TMPRSS3: variants seen among roughly 807,000 people sequenced by gnomAD.
TMPRSS3 encodes the protein transmembrane protease serine 3.
Under a neutral mutation model 59.6 loss-of-function variants are expected in TMPRSS3, and 55 were observed. The observed-to-expected ratio is 0.92, with a 90% confidence interval of 0.74 to 1.16. TMPRSS3 has a LOEUF of 1.16. TMPRSS3 is among the 50% of genes most tolerant of loss of function. The probability of loss-of-function intolerance (pLI) is 0.00; values close to 1 mark genes in which losing one functional copy is unlikely to be tolerated. For missense variants in TMPRSS3, 596 were observed against 579.4 expected (o/e 1.03, Z -0.29); for synonymous variants, 257 against 237.7 (o/e 1.08, Z -0.75).
At position 42,372,570 on chromosome 21, in the gene TMPRSS3, A is replaced by G; in HGVS notation, c.*192T>C. On this transcript the variant is annotated 3_prime_UTR_variant, in exon 13 of 13. Transcript: ENST00000644384. ...GCGAGACTCCATCTCAAAAAAACAA[A>G]AAACAAAAAGCAGCTTGAAGGTTGT... 1 of 747,712 alleles carries G rather than the reference A, an allele frequency of 1.3e-6. No individual in the cohort carries two copies. 46.3% of individuals were successfully genotyped at this position (747,712 alleles called of 1,614,324 possible).
rs137903612 is a variant in TMPRSS3, at chr21:42,372,709, C to T, written c.*53G>A. The T allele has an allele frequency of 4.0e-4, 642 of 1,604,060 alleles. 7 individuals are homozygous for T. In the East Asian group the frequency reaches 0.011, roughly 28 times the overall value. ...CCTACACGGGAGTCCAGGGGAGGAT[C>T]GGGCTGTCTTCATCACCTCAGGAAC... On this transcript the variant is annotated 3_prime_UTR_variant, in exon 13 of 13. Transcript: ENST00000644384.
Position 42,385,419 on chromosome 21 carries a change from C to T in TMPRSS3, c.562G>A (p.Val188Ile). The T allele has an allele frequency of 6.2e-7, 1 of 1,614,084 alleles. No individual in the cohort carries two copies. The highest frequency in any genetic ancestry group is 8.5e-7 in the Non-Finnish European group (1 of 1,179,986). ...CGCCTGACCACCTACCTCACATATA[C>T]TGAGTGGTGTAATGCAGTCACCTTG... ...DDKVTALHHS[V>I]YVREGCASGH... The change falls in exon 6 of 13, where the codon GTA (valine) becomes ATA (isoleucine). Residue 188 changes from valine to isoleucine, a missense_variant. Transcript: ENST00000644384.
At chr21:42,383,861 A>G (rs747208749) in intron 7 of TMPRSS3, 109 bp downstream of exon 7, 51 of 1,208,460 alleles carry the variant, frequency 4.2e-5, no homozygotes, top group Middle Eastern at 1.9e-4. Flanking sequence ...CCTGGCACCC[A>G]GGAGGAAGGG....
Position 42,388,372 on chromosome 21 carries a change from G to A in TMPRSS3, c.446+31C>T. 1 of 1,614,144 alleles carries A rather than the reference G, an allele frequency of 6.2e-7. No homozygotes were observed. Among genetic ancestry groups the A allele is most frequent in the Non-Finnish European group, 8.5e-7 (1 of 1,179,998 alleles). On this transcript the variant is annotated intron_variant, in intron 5 of 12. Coordinates refer to ENST00000644384, the MANE Select transcript of TMPRSS3 (RefSeq NM_001256317.3). The surrounding 1 kb of genome is among the most constrained non-coding windows in gnomAD (Gnocchi z 5.1). ...TTTATTGTTATCCTCTCTGTGTTTT[G>A]CCCATGGGTTGGAAATGCTCTTTAA...
intron 10 of TMPRSS3, among the ~76,000 whole-genome samples, chr21:42,378,294 G>A (rs1266483320): frequency 6.6e-6 from 1 of 152,228 alleles, no homozygotes; most frequent in Non-Finnish European, 1.5e-5. Context: ...CTGGGGGTGG[G>A]CTCAAGTAAT....
chr21:42,375,559 A>G (rs1220259037), intron 12 of TMPRSS3, among the ~76,000 whole-genome samples, 157 bp downstream of exon 12: 1 of 151,978 alleles, frequency 6.6e-6, no homozygotes, highest in Non-Finnish European at 1.5e-5. Context: ...TGTTTTCAGC[A>G]CAAGCGTCTG....
intron 3 of TMPRSS3, 33 bp downstream of exon 3, chr21:42,389,894 T>C: frequency 6.6e-7 from 1 of 1,519,076 alleles, no homozygotes; most frequent in Non-Finnish European, 9.1e-7. Flanking sequence ...GGCTAGGTAT[T>C]TGAGATCCTA....
intron 10 of TMPRSS3, among the ~76,000 whole-genome samples, chr21:42,376,964 G>A (rs1461660001): frequency 6.6e-6 from 1 of 152,198 alleles, no homozygotes; most frequent in Non-Finnish European, 1.5e-5. Context: ...CAAAGAGGAG[G>A]AGGAGTAGGG....
intron 2 of TMPRSS3, 111 bp downstream of exon 2, chr21:42,395,213 G>T: frequency 1.1e-6 from 1 of 886,462 alleles, no homozygotes; most frequent in South Asian, 1.4e-5. Context: ...CCAGCCTGTG[G>T]GTGTCAGAAT....
At chr21:42,382,261 G>A in intron 8 of TMPRSS3, 27 bp from the exon 9 acceptor site, 1 of 1,607,714 alleles carries the variant, frequency 6.2e-7, no homozygotes, top group Non-Finnish European at 8.5e-7. Flanking sequence ...AAGAGGTGAA[G>A]CACAGGAAAA....
chr21:42,383,834 G>A (rs766787445), intron 7 of TMPRSS3, 136 bp downstream of exon 7: 5 of 883,866 alleles, frequency 5.7e-6, no homozygotes, highest in Non-Finnish European at 7.5e-6. Context: ...AGCAGGTAGG[G>A]GTACACAGAG....
chr21:42,388,397 A>G lies in TMPRSS3; in HGVS notation c.446+6T>C, dbSNP rs772583933. On this transcript the variant is annotated splice_donor_region_variant and intron_variant, in intron 5 of 12. Coordinates refer to ENST00000644384, the MANE Select transcript of TMPRSS3 (RefSeq NM_001256317.3). The surrounding 1 kb of genome is among the most constrained non-coding windows in gnomAD (Gnocchi z 5.1). Reference sequence around the variant, plus strand: ...GCCCATGGGTTGGAAATGCTCTTTAACTTACCTTGGGAAACCCAGTTGGGC... The same window carrying G: ...GCCCATGGGTTGGAAATGCTCTTTAGCTTACCTTGGGAAACCCAGTTGGGC... 1.9e-6 allele frequency: 3 copies of G among 1,614,138 alleles called. No individual in the cohort carries two copies. Among genetic ancestry groups the G allele is most frequent in the Non-Finnish European group, 2.5e-6 (3 of 1,180,018 alleles).
rs1369685071 is a variant in TMPRSS3, at chr21:42,388,266, G to A, written c.446+137C>T. On this transcript the variant is annotated intron_variant, in intron 5 of 12. Coordinates refer to ENST00000644384, the MANE Select transcript of TMPRSS3 (RefSeq NM_001256317.3). This position sits in a 1 kb window ranked among gnomAD's most constrained non-coding sequence, Gnocchi z 5.1. ...GCCTGTGAAGTGAGGATGATATCGG[G>A]CATCCTAAGGTGGATGTGAGGATGT... is the stretch of plus-strand genomic sequence containing the variant. 6.0e-6 allele frequency: 7 copies of A among 1,168,498 alleles called. No individual in the cohort carries two copies. In the East Asian group the frequency reaches 1.7e-4, roughly 29 times the overall value. The allele number at this position is 1,168,498 out of a possible 1,614,324, so 72.4% of individuals were successfully genotyped here.
intron 10 of TMPRSS3, 90 bp downstream of exon 10, chr21:42,380,027 A>G: frequency 1.8e-6 from 2 of 1,087,892 alleles, no homozygotes; most frequent in South Asian, 2.6e-5. Flanking sequence ...AGCCCATGGG[A>G]ACATCACAAT....
intron 12 of TMPRSS3, among the ~76,000 whole-genome samples, chr21:42,375,417 A>C (rs1601514270): frequency 9.1e-6 from 1 of 109,538 alleles, no homozygotes; most frequent in African/African-American, 3.8e-5. Context: ...ACCCATCCCC[A>C]TCCCAGCAGG....
At chr21:42,389,264 G>A in intron 3 of TMPRSS3, 1 of 879,014 alleles carries the variant, frequency 1.1e-6, no homozygotes, top group Admixed American at 2.3e-5. Flanking sequence ...TATGTGGCCT[G>A]GCCCAGGAAC....
intron 7 of TMPRSS3, chr21:42,383,697 C>T (rs751791192): frequency 5.7e-5 from 38 of 662,682 alleles, no homozygotes; most frequent in Non-Finnish European, 9.1e-5. Context: ...GTCAGGGACT[C>T]AAGGCTCTTC....
In TMPRSS3 at chr21:42,372,280, C is replaced by T. The variant is rs1190405556; in HGVS notation, c.*482G>A. 6 of 452,944 alleles carry T rather than the reference C, an allele frequency of 1.3e-5. No homozygotes were observed. The highest frequency in any genetic ancestry group is 2.2e-5 in the Non-Finnish European group (5 of 226,078). The allele number at this position is 452,944 out of a possible 1,614,324, so 28.1% of individuals were successfully genotyped here. A position where few individuals can be genotyped will look rare whatever the true frequency, so the allele number is the denominator to read the frequency against. On this transcript the variant is annotated 3_prime_UTR_variant, in exon 13 of 13. Coordinates refer to ENST00000644384, the MANE Select transcript of TMPRSS3 (RefSeq NM_001256317.3). ...GTGAAGATCAGAAAGGAGCGTGAGGCTAGGCGTGGTGGCCCATGCCTGTAA... is the reference window on the plus strand; with the variant it reads ...GTGAAGATCAGAAAGGAGCGTGAGGTTAGGCGTGGTGGCCCATGCCTGTAA...
At chr21:42,384,034 G>T (rs1601524972) in intron 6 of TMPRSS3, 21 bp from the exon 7 acceptor site, 2 of 1,613,394 alleles carry the variant, frequency 1.2e-6, no homozygotes, top group East Asian at 2.2e-5. Context: ...GAAAAAGTAG[G>T]CTCTGTGAAA....
Sources: gnomAD v4.1 joint callset for allele counts (sites outside exome capture counted in the v4.1 genomes callset) on GRCh38, gnomAD v4.1.1 for gene constraint, Gnocchi (gnomAD v3.1) non-coding constraint, MANE v1.5 for transcripts, NCBI Gene and HGNC (gene_info 2026-07-23, HGNC 2026-07-21) for gene names.